SNX25: variants seen among roughly 807,000 people sequenced by gnomAD.
The protein encoded by SNX25 is sorting nexin 25, also known as sorting nexin-25.
Under a neutral mutation model 113.7 loss-of-function variants are expected in SNX25, and 62 were observed. The observed-to-expected ratio is 0.55, with a 90% CI of 0.44 to 0.67. The LOEUF is 0.67. Among genes scored for constraint, SNX25 ranks in the 30% least tolerant of loss-of-function variants. SNX25 has a pLI of 0.00. For synonymous variants in SNX25, 421 were observed against 436.2 expected (o/e 0.97, Z 0.43); for missense variants, 1,014 against 1,161.0 (o/e 0.87, Z 1.84).
intron 1 of SNX25, among the ~76,000 whole-genome samples, chr4:185,246,290 A>G (rs915816204): frequency 6.6e-6 from 1 of 152,132 alleles, no homozygotes; most frequent in African/African-American, 2.4e-5. Context: ...GAGACTCAAA[A>G]AAGTCCTTTA....
At chr4:185,328,876 G>C (rs1246488059) in intron 9 of SNX25, among the ~76,000 whole-genome samples, 2 of 152,166 alleles carry the variant, frequency 1.3e-5, no homozygotes, top group Non-Finnish European at 2.9e-5. Flanking sequence ...TGGGACTGAA[G>C]GCTTGGGGGC....
intron 1 of SNX25, among the ~76,000 whole-genome samples, chr4:185,219,122 G>C (rs544256903): frequency 1.3e-5 from 2 of 152,270 alleles, no homozygotes; most frequent in South Asian, 4.2e-4. Flanking sequence ...TTCCCTGTTG[G>C]GGTACTCCTG....
At position 185,288,205 on chromosome 4, in the gene SNX25, T is replaced by C; in HGVS notation, c.1162+123T>C. The C allele has an allele frequency of 4.5e-6, 3 of 666,076 alleles. No homozygotes were observed. In the East Asian group the frequency reaches 8.4e-5, roughly 19 times the overall value. The allele number at this position is 666,076 out of a possible 1,614,324, so 41.3% of individuals were successfully genotyped here. The stretch of plus-strand genomic sequence containing the variant: ...TCTGGCTTACATTTAAATATTTCAA[T>C]TTATTAAAAACAATACTATTACAGT... On this transcript the variant is annotated intron_variant, in intron 6 of 18. Transcript: ENST00000652585.
exon 1 of SNX25, chr4:185,204,263 G>A (rs1737086276): frequency 6.6e-6 from 1 of 152,246 alleles, no homozygotes; most frequent in Non-Finnish European, 1.5e-5. Context: ...AGGGCGGCGC[G>A]GGTAGGCCCC....
In SNX25 at chr4:185,232,514, A is replaced by G. The variant is rs1742027000; in HGVS notation, c.430-14780A>G. ...GTCCACAGGCCGGATACCAGTACTT[A>G]GATTTATCATGCTTCAAAAATGGAC... On this transcript the variant is annotated intron_variant, in intron 1 of 18. Transcript: ENST00000652585. This position sits in a 1 kb window ranked among gnomAD's most constrained non-coding sequence, Gnocchi z 4.4. Among the ~76,000 whole-genome samples the G allele has an allele frequency of 6.6e-6, 1 of 152,216 alleles. No homozygotes were observed. The highest frequency in any genetic ancestry group is 1.5e-5 in the Non-Finnish European group (1 of 68,042).
intron 13 of SNX25, among the ~76,000 whole-genome samples, chr4:185,347,617 C>A (rs541891052): frequency 2.6e-5 from 4 of 151,952 alleles, no homozygotes; most frequent in Non-Finnish European, 4.4e-5. Flanking sequence ...ATTACAGGCG[C>A]CTGCCACCAC....
chr4:185,348,268 TA>T (rs1208454107), intron 13 of SNX25, among the ~76,000 whole-genome samples: 5 of 152,242 alleles, frequency 3.3e-5, no homozygotes, highest in Non-Finnish European at 7.3e-5. Context: ...CAGTAGAAGC[TA>T]GACATTCTGA....
At chr4:185,376,520 C>G in the SNX25 span, among the ~76,000 whole-genome samples, 7 of 150,578 alleles carry the variant, frequency 4.6e-5, no homozygotes, top group African/African-American at 1.7e-4. Context: ...TCTACAACTC[C>G]TGACCTCAGG....
intron 10 of SNX25, among the ~76,000 whole-genome samples, chr4:185,333,517 A>G (rs6838019): frequency 0.12 from 17,673 of 152,250 alleles, 1,902 homozygotes; most frequent in African/African-American, 0.29. Context: ...GTAGGAGAAT[A>G]TTCCTGAAAC....
At chr4:185,327,070 C>A (rs1018413787) in intron 9 of SNX25, among the ~76,000 whole-genome samples, 4 of 152,172 alleles carry the variant, frequency 2.6e-5, no homozygotes, top group Non-Finnish European at 5.9e-5. Flanking sequence ...AGGTAAAAAT[C>A]CACATTCTTA....
At chr4:185,357,878 G>C (rs1037877459) in intron 16 of SNX25, 141 bp downstream of exon 16, 2 of 703,834 alleles carry the variant, frequency 2.8e-6, no homozygotes, top group Non-Finnish European at 4.9e-6. Flanking sequence ...ATGATTCTAA[G>C]ATTGGATAGG....
intron 1 of SNX25, among the ~76,000 whole-genome samples, chr4:185,216,767 C>T (rs1713669675): frequency 6.6e-6 from 1 of 151,918 alleles, no homozygotes; most frequent in Non-Finnish European, 1.5e-5. Flanking sequence ...ATGATCCACC[C>T]GCCTTGGCCT....
At chr4:185,213,567 C>T (rs944210497) in intron 1 of SNX25, among the ~76,000 whole-genome samples, 2 of 152,112 alleles carry the variant, frequency 1.3e-5, no homozygotes, top group African/African-American at 4.8e-5. Flanking sequence ...GTTGTGAGTC[C>T]AGCTTTGTTG....
At chr4:185,374,424 G>A, downstream of SNX25, 1 of 1,614,066 alleles carries the variant, frequency 6.2e-7, no homozygotes, top group Non-Finnish European at 8.5e-7. Flanking sequence ...GGGACATGGA[G>A]AATCAAGAAT....
intron 1 of SNX25, among the ~76,000 whole-genome samples, chr4:185,244,281 C>T (rs1253937145): frequency 1.3e-5 from 2 of 152,260 alleles, no homozygotes; most frequent in African/African-American, 4.8e-5. Flanking sequence ...GCGTGAGCCA[C>T]CGCACCCGGC....
intron 6 of SNX25, among the ~76,000 whole-genome samples, chr4:185,292,220 A>G (rs1221792530): frequency 3.3e-5 from 5 of 152,172 alleles, no homozygotes; most frequent in African/African-American, 9.7e-5. Context: ...GACAGGTTCC[A>G]TGGAATCAGT....
At chr4:185,299,633 G>A (rs913388946) in intron 6 of SNX25, among the ~76,000 whole-genome samples, 13 of 152,160 alleles carry the variant, frequency 8.5e-5, no homozygotes, top group African/African-American at 3.1e-4. Flanking sequence ...CAACTACCTA[G>A]CTTTTTATTT....
chr4:185,227,674 T>C (rs1741223315), intron 1 of SNX25, among the ~76,000 whole-genome samples: 1 of 152,160 alleles, frequency 6.6e-6, no homozygotes, highest in African/African-American at 2.4e-5. Context: ...ACAGGTGCCC[T>C]TTGTGCAGGT....
chr4:185,261,114 C>CTCTGTGTGTG (rs1466393084), intron 3 of SNX25, among the ~76,000 whole-genome samples: 1 of 141,658 alleles, frequency 7.1e-6, no homozygotes, highest in Non-Finnish European at 1.5e-5. Flanking sequence ...CTGTCTGTCT[C>CTCTGTGTGTG]TGTGTGTGTG....
Sources: gnomAD v4.1 joint callset for allele counts (sites outside exome capture counted in the v4.1 genomes callset) on GRCh38, gnomAD v4.1.1 for gene constraint, Gnocchi (gnomAD v3.1) non-coding constraint, MANE v1.5 for transcripts, NCBI Gene and HGNC (gene_info 2026-07-23, HGNC 2026-07-21) for gene names.